AHI1: variants seen among roughly 807,000 people sequenced by gnomAD.
AHI1 encodes the protein jouberin.
A neutral mutation model predicts 149.3 loss-of-function variants in AHI1; 123 were observed. That is an observed-to-expected ratio of 0.82 (90% CI 0.71 to 0.96). The LOEUF is 0.96. Ranked by LOEUF, AHI1 falls within the 40% of genes least tolerant of loss-of-function variation. The pLI is 0.00. For missense variants in AHI1, 1,439 were observed against 1,422.7 expected (o/e 1.01, Z -0.18); for synonymous variants, 475 against 459.8 (o/e 1.03, Z -0.42).
intron 23 of AHI1, among the ~76,000 whole-genome samples, chr6:135,393,378 C>A (rs1778790472): frequency 6.6e-6 from 1 of 152,090 alleles, no homozygotes; most frequent in Admixed American, 6.5e-5. Flanking sequence ...CAGATATTTA[C>A]CTTCTAAGCT....
intron 23 of AHI1, among the ~76,000 whole-genome samples, chr6:135,363,590 G>A (rs1337399546): frequency 6.0e-5 from 9 of 150,844 alleles, no homozygotes; most frequent in African/African-American, 1.9e-4. Context: ...GGTGGTGGCC[G>A]GGCAGAGGGG....
chr6:135,295,516 T>C (rs1165584143), intron 27 of AHI1, among the ~76,000 whole-genome samples: 1 of 152,216 alleles, frequency 6.6e-6, no homozygotes, highest in East Asian at 1.9e-4. Context: ...TATATAAATG[T>C]TGATATTAGC....
At chr6:135,305,455 T>C (rs932683941) in intron 26 of AHI1, among the ~76,000 whole-genome samples, 32 of 152,238 alleles carry the variant, frequency 2.1e-4, no homozygotes, top group African/African-American at 7.2e-4. Flanking sequence ...GTATCTGCAA[T>C]TGGTTGTTGC....
intron 11 of AHI1, among the ~76,000 whole-genome samples, chr6:135,449,085 T>C (rs1429998636): frequency 6.6e-6 from 1 of 152,138 alleles, no homozygotes; most frequent in African/African-American, 2.4e-5. Context: ...CTCGCTCTGT[T>C]ATCCAGGCCG....
intron 8 of AHI1, among the ~76,000 whole-genome samples, chr6:135,461,220 T>C (rs1455022596): frequency 4.6e-5 from 7 of 151,928 alleles, no homozygotes; most frequent in Admixed American, 4.6e-4. Flanking sequence ...TACAAATCAA[T>C]TAGAAAAAGA....
chr6:135,424,751 T>C (rs1259016974), intron 20 of AHI1, among the ~76,000 whole-genome samples: 2 of 151,988 alleles, frequency 1.3e-5, no homozygotes, highest in Non-Finnish European at 2.9e-5. Context: ...TGTGGTCTCA[T>C]TCACAACTTG....
chr6:135,361,025 C>T (rs1793780154), intron 23 of AHI1, among the ~76,000 whole-genome samples: 1 of 152,078 alleles, frequency 6.6e-6, no homozygotes, highest in Admixed American at 6.6e-5. Flanking sequence ...TTCTTTTCTT[C>T]CTCTTTTTCT....
At chr6:135,422,254 C>T (rs12192246) in intron 20 of AHI1, among the ~76,000 whole-genome samples, 2,352 of 152,206 alleles carry the variant, frequency 0.015, 23 homozygotes, top group Non-Finnish European at 0.024. Flanking sequence ...TGGTGGCTCA[C>T]GCCTGTAATC....
At chr6:135,411,290 G>T in intron 21 of AHI1, 58 bp downstream of exon 21, 1 of 1,439,762 alleles carries the variant, frequency 6.9e-7, no homozygotes, top group Non-Finnish European at 9.7e-7. Context: ...TATTGGCATG[G>T]CAATGTAAAA....
chr6:135,303,826 C>A (rs1473608343), intron 26 of AHI1, among the ~76,000 whole-genome samples: 1 of 152,192 alleles, frequency 6.6e-6, no homozygotes, highest in South Asian at 2.1e-4. Context: ...CCCCTGCTTC[C>A]CAACCCTATG....
chr6:135,484,123 C>T (rs1794131992), intron 5 of AHI1, among the ~76,000 whole-genome samples: 1 of 152,148 alleles, frequency 6.6e-6, no homozygotes, highest in Non-Finnish European at 1.5e-5. Context: ...GGGAAACTCC[C>T]ATTTTTAAAA....
intron 26 of AHI1, among the ~76,000 whole-genome samples, chr6:135,303,139 T>G (rs983459353): frequency 2.6e-5 from 4 of 152,218 alleles, no homozygotes; most frequent in Non-Finnish European, 5.9e-5. Context: ...AATGGAATGA[T>G]TAAATGCTTC....
chr6:135,285,534 C>A lies in AHI1; in HGVS notation c.*111G>T. The A allele has an allele frequency of 8.9e-7, 1 of 1,123,634 alleles. No individual in the cohort carries two copies. The highest frequency in any genetic ancestry group is 1.3e-5 in the South Asian group (1 of 75,274). The allele number at this position is 1,123,634 out of a possible 1,614,324, so 69.6% of individuals were successfully genotyped here. A position where few individuals can be genotyped will look rare whatever the true frequency, so the allele number is the denominator to read the frequency against. On this transcript the variant is annotated 3_prime_UTR_variant, in exon 29 of 29. Transcript: ENST00000265602. Reference sequence around the variant, plus strand: ...TTCATAAGAACAAGAAGTAGTGGATCCTTTCTTCCTCCTTAGTATCTGAAA... The same window carrying A: ...TTCATAAGAACAAGAAGTAGTGGATACTTTCTTCCTCCTTAGTATCTGAAA...
intron 20 of AHI1, among the ~76,000 whole-genome samples, chr6:135,419,173 G>A (rs995501614): frequency 2.0e-5 from 3 of 152,084 alleles, no homozygotes; most frequent in Non-Finnish European, 4.4e-5. Context: ...AGAGTGATGT[G>A]TAGCAGATTC....
At chr6:135,440,604 T>A (rs1786134417) in intron 14 of AHI1, among the ~76,000 whole-genome samples, 1 of 152,084 alleles carries the variant, frequency 6.6e-6, no homozygotes, top group South Asian at 2.1e-4. Context: ...AGCTGTAGAT[T>A]GTGTACCGAA....
intron 22 of AHI1, among the ~76,000 whole-genome samples, chr6:135,399,428 C>T (rs756621381): frequency 2.6e-5 from 4 of 152,124 alleles, no homozygotes; most frequent in Non-Finnish European, 5.9e-5. Context: ...CATGATAAAA[C>T]TAAATTGGAC....
chr6:135,340,898 A>C (rs1048079643), intron 24 of AHI1, among the ~76,000 whole-genome samples: 1 of 151,478 alleles, frequency 6.6e-6, no homozygotes, highest in Admixed American at 6.6e-5. Context: ...AATCCAAACT[A>C]GATTGTTTTG....
rs1167083326 is a variant in AHI1 at position 135,376,881 on chromosome 6, C to CAAAAAAAA, written c.3109+17887_3109+17894dup. Among the ~76,000 whole-genome samples, 15 of 29,440 alleles carry CAAAAAAAA rather than the reference C, an allele frequency of 5.1e-4. 3 individuals carry two copies. The highest frequency in any genetic ancestry group is 1.9e-3 in the African/African-American group (12 of 6,242). The allele number at this position is 29,440 out of a possible 152,430, so 19.3% of individuals were successfully genotyped here. ...TCGGTGACAGAGCGAGACTCCATCT[C>CAAAAAAAA]AAAAAAAAAAAAAAAAAAAAAAAAA... On this transcript the variant is annotated intron_variant, in intron 23 of 28. Coordinates refer to ENST00000265602, the MANE Select transcript of AHI1 (RefSeq NM_001134831.2).
chr6:135,451,828 A>G (rs2128067343), intron 11 of AHI1, among the ~76,000 whole-genome samples: 2 of 151,576 alleles, frequency 1.3e-5, no homozygotes, highest in Middle Eastern at 6.8e-3. Flanking sequence ...TACTATGTGA[A>G]AGTGAGTTTT....
Sources: gnomAD v4.1 joint callset for allele counts (sites outside exome capture counted in the v4.1 genomes callset) on GRCh38, gnomAD v4.1.1 for gene constraint, MANE v1.5 for transcripts, NCBI Gene and HGNC (gene_info 2026-07-23, HGNC 2026-07-21) for gene names.